The following SORCS3 variants were observed in gnomAD, a reference collection of about 807,000 sequenced individuals.
SORCS3 encodes sortilin related VPS10 domain containing receptor 3.
Under a neutral mutation model 146.3 loss-of-function variants are expected in SORCS3, and 57 were observed. The ratio of observed to expected loss-of-function variants is 0.39; its 90% CI spans 0.31 to 0.49. The LOEUF (loss-of-function observed/expected upper bound fraction) is 0.49. Among genes scored for constraint, SORCS3 ranks in the 20% least tolerant of loss-of-function variants. SORCS3 has a pLI of 0.92. For synonymous variants in SORCS3, 653 were observed against 618.5 expected (o/e 1.06, Z -0.83); for missense variants, 1,341 against 1,575.5 (o/e 0.85, Z 2.52).
At chr10:105,028,007 A>G (rs1589600376) in intron 4 of SORCS3, among the ~76,000 whole-genome samples, 1 of 152,256 alleles carries the variant, frequency 6.6e-6, no homozygotes, top group Non-Finnish European at 1.5e-5. Flanking sequence ...AGAGACACGT[A>G]GATACTTAAC....
intron 1 of SORCS3, among the ~76,000 whole-genome samples, chr10:104,722,957 G>GT (rs776588755): frequency 1.1e-4 from 16 of 152,044 alleles, no homozygotes; most frequent in Non-Finnish European, 2.1e-4. Context: ...TTTTTGAAGG[G>GT]TTTTTTGTGT....
chr10:105,221,109 G>A (rs985459720), intron 19 of SORCS3, among the ~76,000 whole-genome samples: 6 of 151,892 alleles, frequency 4.0e-5, no homozygotes, highest in African/African-American at 1.5e-4. Context: ...GTACATAGTC[G>A]GTATATATAT....
At chr10:104,834,387 C>A (rs77823258) in intron 1 of SORCS3, among the ~76,000 whole-genome samples, 1 of 152,122 alleles carries the variant, frequency 6.6e-6, no homozygotes, top group Non-Finnish European at 1.5e-5. Flanking sequence ...TCCTTGGTTA[C>A]GCTGGGCACA....
At chr10:105,216,207 A>C (rs896422371) in intron 18 of SORCS3, among the ~76,000 whole-genome samples, 11 of 152,184 alleles carry the variant, frequency 7.2e-5, no homozygotes, top group African/African-American at 2.7e-4. Flanking sequence ...TCCAAGGATA[A>C]GAGAACAAGG....
chr10:105,242,433 C>T (rs190214486), intron 20 of SORCS3, among the ~76,000 whole-genome samples: 18,371 of 64,686 alleles, frequency 0.28, 2,241 homozygotes, highest in South Asian at 0.38. Flanking sequence ...TATATTTATA[C>T]ATATATTTAT....
At chr10:104,878,961 A>G (rs2133573950) in intron 2 of SORCS3, among the ~76,000 whole-genome samples, 1 of 152,292 alleles carries the variant, frequency 6.6e-6, no homozygotes. Flanking sequence ...GGTAAGCCCC[A>G]GCCTACTCCA....
chr10:104,870,205 T>C (rs1194991483), intron 2 of SORCS3, among the ~76,000 whole-genome samples: 1 of 152,238 alleles, frequency 6.6e-6, no homozygotes, highest in Non-Finnish European at 1.5e-5. Flanking sequence ...AAAGCACACA[T>C]TTAAATTAAT....
At chr10:105,188,003 C>G (rs1286855646) in intron 14 of SORCS3, among the ~76,000 whole-genome samples, 1 of 152,026 alleles carries the variant, frequency 6.6e-6, no homozygotes, top group Non-Finnish European at 1.5e-5. Context: ...GCTGCTGCTG[C>G]TGGTGGTGGT....
At chr10:104,748,999 T>C (rs1293454069) in intron 1 of SORCS3, among the ~76,000 whole-genome samples, 1 of 152,148 alleles carries the variant, frequency 6.6e-6, no homozygotes, top group Non-Finnish European at 1.5e-5. Context: ...CTGAGACCAA[T>C]GGGCAGAGTC....
chr10:104,993,305 T>A (rs1168047160), intron 4 of SORCS3, among the ~76,000 whole-genome samples: 3 of 152,212 alleles, frequency 2.0e-5, no homozygotes, highest in African/African-American at 7.2e-5. Flanking sequence ...TTGTGGTTGT[T>A]CTTCCCTGTA....
intron 2 of SORCS3, among the ~76,000 whole-genome samples, chr10:104,857,809 C>T (rs1387829): frequency 1.3e-5 from 2 of 152,086 alleles, no homozygotes; most frequent in African/African-American, 4.8e-5. Flanking sequence ...TAGAGTCTCC[C>T]TAGGGAAACC....
intron 1 of SORCS3, among the ~76,000 whole-genome samples, chr10:104,720,957 C>T (rs572638943): frequency 1.3e-5 from 2 of 152,282 alleles, no homozygotes; most frequent in South Asian, 4.2e-4. Context: ...GTTTCTTTTG[C>T]TATACAGAAG....
intron 3 of SORCS3, among the ~76,000 whole-genome samples, chr10:104,925,773 G>A (rs117161865): frequency 0.03 from 4,612 of 152,308 alleles, 114 homozygotes; most frequent in Non-Finnish European, 0.041. Context: ...GTCCACAGAG[G>A]AGGCTGGAGA....
intron 1 of SORCS3, among the ~76,000 whole-genome samples, chr10:104,833,883 G>A (rs893182745): frequency 3.3e-5 from 5 of 152,148 alleles, no homozygotes; most frequent in Admixed American, 2.0e-4. Flanking sequence ...CGAAATTAAT[G>A]TCTAAAGCTC....
chr10:104,905,876 T>A (rs2018900038), intron 2 of SORCS3, among the ~76,000 whole-genome samples: 1 of 152,122 alleles, frequency 6.6e-6, no homozygotes, highest in Non-Finnish European at 1.5e-5. Context: ...TTTGCATTAA[T>A]TGAAAAGTGA....
chr10:104,666,959 A>T (rs2015785984), intron 1 of SORCS3, among the ~76,000 whole-genome samples: 1 of 152,116 alleles, frequency 6.6e-6, no homozygotes, highest in Non-Finnish European at 1.5e-5. Flanking sequence ...TAGGGGCATA[A>T]GATGTAAACT....
intron 1 of SORCS3, chr10:104,822,073 C>T: frequency 1.9e-6 from 1 of 517,872 alleles, no homozygotes; most frequent in South Asian, 1.4e-5. Flanking sequence ...TTTATTCCTT[C>T]TCTTAGTCCT....
At chr10:104,903,080 G>C (rs2018868589) in intron 2 of SORCS3, among the ~76,000 whole-genome samples, 1 of 152,152 alleles carries the variant, frequency 6.6e-6, no homozygotes, top group Admixed American at 6.5e-5. Flanking sequence ...ATAGAACTTG[G>C]AATCATATGA....
At chr10:104,811,084 C>T (rs998829585) in intron 1 of SORCS3, among the ~76,000 whole-genome samples, 2 of 151,982 alleles carry the variant, frequency 1.3e-5, no homozygotes, top group African/African-American at 4.8e-5. Context: ...AAGACATGCA[C>T]GTAATAATTA....
Sources: gnomAD v4.1 joint callset for allele counts (sites outside exome capture counted in the v4.1 genomes callset) on GRCh38, gnomAD v4.1.1 for gene constraint, MANE v1.5 for transcripts, NCBI Gene and HGNC (gene_info 2026-07-23, HGNC 2026-07-21) for gene names.